Variants in SIL1 observed in about 807,000 individuals in gnomAD.
SIL1 encodes the protein SIL1 nucleotide exchange factor.
A neutral mutation model predicts 49.1 loss-of-function variants in SIL1; 40 were observed. That is an observed-to-expected ratio of 0.81 (90% CI 0.63 to 1.06). The LOEUF is 1.06. Ranked by LOEUF, SIL1 falls within the 50% of genes least tolerant of loss-of-function variation. SIL1 has a pLI of 0.00. For missense variants in SIL1, 500 were observed against 572.6 expected, an observed-to-expected ratio of 0.87 and a Z score of 1.29; for synonymous variants, 253 against 250.8, an observed-to-expected ratio of 1.01 and a Z score of -0.08.
chr5:139,155,070 C>T (rs1199743172), intron 1 of SIL1, among the ~76,000 whole-genome samples: 1 of 152,170 alleles, frequency 6.6e-6, no homozygotes, highest in East Asian at 1.9e-4. Context: ...TGATAGCTAA[C>T]AGATACTAAA....
At chr5:139,048,798 G>A (rs1014665594) in intron 4 of SIL1, among the ~76,000 whole-genome samples, 5 of 152,228 alleles carry the variant, frequency 3.3e-5, no homozygotes, top group East Asian at 1.9e-4. Context: ...TATTGTGGAC[G>A]AAAGAAGTTT....
intron 7 of SIL1, among the ~76,000 whole-genome samples, chr5:139,019,701 A>T (rs1353718755): frequency 6.6e-6 from 1 of 152,196 alleles, no homozygotes; most frequent in Non-Finnish European, 1.5e-5. Flanking sequence ...TTTAACTAGG[A>T]TGTGACATGA....
chr5:138,958,326 T>G (rs1477674090), intron 7 of SIL1, among the ~76,000 whole-genome samples: 1 of 152,238 alleles, frequency 6.6e-6, no homozygotes, highest in Non-Finnish European at 1.5e-5. Context: ...TTTCTCAGTG[T>G]ATCACATAGG....
rs1468017523 is a variant in SIL1 at position 139,056,732 on chromosome 5, G to A, written c.245-5686C>T. 1.9e-4 allele frequency among the ~76,000 whole-genome samples: 29 copies of A among 149,172 alleles called. 1 individual carries two copies. Among genetic ancestry groups the A allele is most frequent in the Admixed American group, 1.2e-3 (18 of 15,072 alleles). On this transcript the variant is annotated intron_variant, in intron 3 of 9. Coordinates refer to ENST00000394817, the MANE Select transcript of SIL1 (RefSeq NM_022464.5). ...CCCCGCCCGGCCAGCCGCCCCGCCC[G>A]GGAGGTGAGGGGCGCCTCTGCCTGC...
chr5:139,121,178 G>C lies in SIL1; in HGVS notation c.106-5C>G, dbSNP rs746604252. 60 of 1,613,888 alleles carry C rather than the reference G, an allele frequency of 3.7e-5. No individual in the cohort carries two copies. The highest frequency in any genetic ancestry group is 4.9e-5 in the Non-Finnish European group (58 of 1,179,946). Reference sequence around the variant, plus strand: ...GTTGGTCAGGGCAAACTCCTTCTGAGAAAAGAAAACACAGGGCATGACCCA... The same window carrying C: ...GTTGGTCAGGGCAAACTCCTTCTGACAAAAGAAAACACAGGGCATGACCCA... On this transcript the variant is annotated splice_polypyrimidine_tract_variant and splice_region_variant and intron_variant, in intron 2 of 9. Coordinates refer to ENST00000394817, the MANE Select transcript of SIL1 (RefSeq NM_022464.5).
At chr5:139,086,099 G>A (rs1489163048) in intron 3 of SIL1, among the ~76,000 whole-genome samples, 1 of 130,928 alleles carries the variant, frequency 7.6e-6, no homozygotes, top group Admixed American at 7.4e-5. Context: ...CTGAAACCCC[G>A]ACTCTACCGA....
At chr5:139,171,154 G>A (rs1751755586) in intron 1 of SIL1, among the ~76,000 whole-genome samples, 2 of 152,286 alleles carry the variant, frequency 1.3e-5, no homozygotes, top group South Asian at 2.1e-4. Flanking sequence ...CCCCTACTGG[G>A]ATGTGAGGAG....
intron 1 of SIL1, among the ~76,000 whole-genome samples, chr5:139,134,921 T>C (rs1484550724): frequency 6.6e-6 from 1 of 152,114 alleles, no homozygotes; most frequent in East Asian, 1.9e-4. Flanking sequence ...AGAAGTGCAC[T>C]ACCTAATTTA....
At chr5:138,961,853 C>G (rs950125039) in intron 7 of SIL1, among the ~76,000 whole-genome samples, 1 of 151,890 alleles carries the variant, frequency 6.6e-6, no homozygotes, top group Admixed American at 6.6e-5. Context: ...TTTCCTGGAC[C>G]CTCTGAAATT....
At chr5:139,163,921 C>T (rs1751566304) in intron 1 of SIL1, among the ~76,000 whole-genome samples, 1 of 152,010 alleles carries the variant, frequency 6.6e-6, no homozygotes, top group Admixed American at 6.5e-5. Flanking sequence ...GAGTTCAAGA[C>T]TAGCCTGGCC....
rs965126570 is a variant in SIL1, at chr5:139,071,954, C to T, written c.245-20908G>A. Among the ~76,000 whole-genome samples the T allele has an allele frequency of 3.9e-5, 6 of 152,188 alleles. No homozygotes were observed. The East Asian group carries it at 5.8e-4, about 15-fold the overall frequency. On this transcript the variant is annotated intron_variant, in intron 3 of 9. Coordinates refer to ENST00000394817, the MANE Select transcript of SIL1 (RefSeq NM_022464.5). ...TGCTGGGATTACAGTCATGAGCCAC[C>T]GCTCCTGGCAAGCAAATTTTTATTT...
Position 139,110,702 on chromosome 5 carries a change from G to T in SIL1, c.244+10333C>A, listed in dbSNP as rs894562927. Among the ~76,000 whole-genome samples, 4 of 152,228 alleles carry T rather than the reference G, an allele frequency of 2.6e-5. No homozygotes were observed. In the East Asian group the frequency reaches 5.8e-4, roughly 22 times the overall value. On this transcript the variant is annotated intron_variant, in intron 3 of 9. Transcript: ENST00000394817. The stretch of plus-strand genomic sequence containing the variant: ...GTGGGCTCTTGACAGGCTGCCAAAA[G>T]ATCAGTGGCTAGTGGGGTGCCACCC...
At chr5:139,108,142 C>A (rs980895532) in intron 3 of SIL1, 4 of 152,182 alleles carry the variant, frequency 2.6e-5, no homozygotes, top group Admixed American at 2.6e-4. Flanking sequence ...CCAAAGACGA[C>A]GAAATACTCC....
intron 1 of SIL1, among the ~76,000 whole-genome samples, chr5:139,148,778 C>G (rs1751240246): frequency 6.6e-6 from 1 of 152,236 alleles, no homozygotes; most frequent in Admixed American, 6.5e-5. Flanking sequence ...GAACTACCAA[C>G]TCACCTCTCA....
At chr5:139,138,697 A>G (rs892935394) in intron 1 of SIL1, among the ~76,000 whole-genome samples, 27 of 152,240 alleles carry the variant, frequency 1.8e-4, no homozygotes, top group Admixed American at 1.6e-3. Context: ...ATGAGATGAC[A>G]TAGAGCATAT....
At chr5:138,982,273 C>A (rs1447615187) in intron 7 of SIL1, among the ~76,000 whole-genome samples, 2 of 152,198 alleles carry the variant, frequency 1.3e-5, no homozygotes, top group Non-Finnish European at 2.9e-5. Context: ...GGGCAACAAA[C>A]CCAGCTGGCA....
At chr5:139,174,491 AAGAG>A (rs1751838443) in intron 1 of SIL1, among the ~76,000 whole-genome samples, 1 of 152,028 alleles carries the variant, frequency 6.6e-6, no homozygotes, top group African/African-American at 2.4e-5. Flanking sequence ...AAAAAGGAAA[AAGAG>A]AGAGAGGACT....
intron 3 of SIL1, among the ~76,000 whole-genome samples, chr5:139,093,567 G>C (rs1770390030): frequency 6.6e-6 from 1 of 152,122 alleles, no homozygotes; most frequent in South Asian, 2.1e-4. Context: ...GGTTAATGGA[G>C]GTCTTCAAAA....
intron 5 of SIL1, among the ~76,000 whole-genome samples, chr5:139,041,791 C>T (rs185575476): frequency 2.8e-5 from 4 of 144,030 alleles, no homozygotes; most frequent in East Asian, 4.1e-4. Flanking sequence ...GCCATCTGGG[C>T]GACAGAGCAA....
Sources: allele counts gnomAD v4.1 joint callset (sites outside exome capture counted in the v4.1 genomes callset), GRCh38; gene constraint gnomAD v4.1.1; transcripts MANE v1.5; gene names NCBI Gene and HGNC (gene_info 2026-07-23, HGNC 2026-07-21).